The following CYTH4 variants were observed in gnomAD, a reference collection of about 807,000 sequenced individuals.
CYTH4 encodes cytohesin 4, also known as cytohesin-4.
A neutral mutation model predicts 57.5 loss-of-function variants in CYTH4; 22 were observed. The ratio of observed to expected loss-of-function variants is 0.38; its 90% CI spans 0.27 to 0.55. The LOEUF (loss-of-function observed/expected upper bound fraction) is 0.55. CYTH4 is among the 20% of genes least tolerant of loss of function. The probability of loss-of-function intolerance (pLI) is 0.74; values close to 1 mark genes in which losing one functional copy is unlikely to be tolerated. For synonymous variants in CYTH4, 186 were observed against 206.5 expected (o/e 0.90, Z 0.85); for missense variants, 420 against 535.6 (o/e 0.78, Z 2.13).
At chr22:37,293,667 A>G (rs1330140677) in intron 2 of CYTH4, among the ~76,000 whole-genome samples, 1 of 152,034 alleles carries the variant, frequency 6.6e-6, no homozygotes, top group East Asian at 1.9e-4. Flanking sequence ...CCTCACCAGC[A>G]CCCTGCAGAT....
At chr22:37,292,474 G>A (rs2145857387) in intron 1 of CYTH4, 147 bp from the exon 2 acceptor site, 1 of 711,808 alleles carries the variant, frequency 1.4e-6, no homozygotes, top group Non-Finnish European at 2.4e-6. Flanking sequence ...TTTAGACAGG[G>A]CAGTCAGGGG....
chr22:37,303,949 T>C (rs1270998910), intron 8 of CYTH4, among the ~76,000 whole-genome samples: 1 of 152,154 alleles, frequency 6.6e-6, no homozygotes, highest in Non-Finnish European at 1.5e-5. Flanking sequence ...GCCCCAGGGA[T>C]GAATCAACCA....
rs73417350 is a variant in CYTH4, at chr22:37,295,287, A to T, written c.167+563A>T. ...CTAAGGCCCCAGTGCACTGACTCTG[A>T]CACACGATGTCCTGGCAATTTCCCA... On this transcript the variant is annotated intron_variant, in intron 3 of 12. Coordinates refer to ENST00000248901, the MANE Select transcript of CYTH4 (RefSeq NM_013385.5). The surrounding 1 kb of genome is among the most constrained non-coding windows in gnomAD (Gnocchi z 4.1). Among the ~76,000 whole-genome samples, 7,466 of 151,484 alleles carry T rather than the reference A, an allele frequency of 0.049. 602 individuals are homozygous for T. The highest frequency in any genetic ancestry group is 0.17 in the African/African-American group (6,981 of 41,248).
At chr22:37,299,189 A>C in intron 5 of CYTH4, 37 bp from the exon 6 acceptor site, 1 of 1,542,048 alleles carries the variant, frequency 6.5e-7, no homozygotes, top group Non-Finnish European at 8.9e-7. Context: ...GCAAGTATCC[A>C]AGTGTGTCCC....
chr22:37,309,800 G>A (rs371499003), intron 9 of CYTH4, among the ~76,000 whole-genome samples: 8 of 152,360 alleles, frequency 5.3e-5, no homozygotes, highest in African/African-American at 1.9e-4. Context: ...CCCTAAAGGA[G>A]GGGAGGAAGG....
At chr22:37,297,747 G>T in intron 5 of CYTH4, 65 bp downstream of exon 5, 2 of 1,371,968 alleles carry the variant, frequency 1.5e-6, no homozygotes, top group South Asian at 1.2e-5. Flanking sequence ...CAGGTGTGTG[G>T]ATGTGCAGGT....
At chr22:37,304,279 T>C (rs1299862709) in intron 8 of CYTH4, 13 of 456,602 alleles carry the variant, frequency 2.8e-5, no homozygotes, top group Non-Finnish European at 4.8e-5. Context: ...GTGTCCAGTG[T>C]GGCCGAGGTG....
intron 1 of CYTH4, 63 bp from the exon 2 acceptor site, chr22:37,292,558 A>C (rs565995903): frequency 1.7e-4 from 257 of 1,540,470 alleles, no homozygotes; most frequent in Non-Finnish European, 2.2e-4. Flanking sequence ...GGCCCTGCAG[A>C]AGTGAGGGCA....
intron 1 of CYTH4, among the ~76,000 whole-genome samples, chr22:37,286,554 G>T (rs1393712620): frequency 6.6e-6 from 1 of 152,182 alleles, no homozygotes; most frequent in Non-Finnish European, 1.5e-5. Flanking sequence ...ATGGGAAGGG[G>T]TGGGGGCAGG....
Position 37,290,193 on chromosome 22 carries a change from G to A in CYTH4, c.20-2428G>A, listed in dbSNP as rs184318555. On this transcript the variant is annotated intron_variant, in intron 1 of 12. Coordinates refer to ENST00000248901, the MANE Select transcript of CYTH4 (RefSeq NM_013385.5). The stretch of plus-strand genomic sequence containing the variant: ...CCTGGAAGGACTTCATTTACCACCT[G>A]GTCTCTATGTACCCCCACTCAAATG... Among the ~76,000 whole-genome samples the A allele has an allele frequency of 2.6e-5, 4 of 152,198 alleles. No homozygotes were observed. The East Asian group carries it at 7.7e-4, about 29-fold the overall frequency.
intron 1 of CYTH4, among the ~76,000 whole-genome samples, chr22:37,285,039 C>T (rs1412094065): frequency 6.6e-6 from 1 of 152,222 alleles, no homozygotes; most frequent in Non-Finnish European, 1.5e-5. Context: ...ACCCCCTCTG[C>T]CCCAGGGTCC....
chr22:37,310,388 G>GA (rs765780572), intron 9 of CYTH4, among the ~76,000 whole-genome samples: 3 of 152,344 alleles, frequency 2.0e-5, no homozygotes, highest in Non-Finnish European at 2.9e-5. Context: ...GTAGCTGTAA[G>GA]ATGGGGAGAA....
chr22:37,311,879 G>T lies in CYTH4; in HGVS notation c.958-141G>T. On this transcript the variant is annotated intron_variant, in intron 11 of 12. Coordinates refer to ENST00000248901, the MANE Select transcript of CYTH4 (RefSeq NM_013385.5). The surrounding 1 kb of genome is among the most constrained non-coding windows in gnomAD (Gnocchi z 4.4). ...TGCCACAGAGAGAGTGCTCAGTGTG[G>T]GAGCAGCAGCTCCTGCCCCTTCGCC... The T allele has an allele frequency of 9.3e-7, 1 of 1,075,674 alleles. No homozygotes were observed. Among genetic ancestry groups the T allele is most frequent in the Non-Finnish European group, 1.3e-6 (1 of 755,138 alleles). The allele number at this position is 1,075,674 out of a possible 1,614,324, so 66.6% of individuals were successfully genotyped here.
intron 1 of CYTH4, among the ~76,000 whole-genome samples, chr22:37,284,558 C>T (rs541297335): frequency 2.9e-4 from 44 of 152,290 alleles, no homozygotes; most frequent in South Asian, 1.7e-3. Flanking sequence ...CGGTGACTTC[C>T]CCTCTCTGAG....
At position 37,311,691 on chromosome 22, in the gene CYTH4, AC is replaced by A. The variant is rs781359787; in HGVS notation, c.957+165del. ...CCTTCTCTCCCTCCTGGGGCCATGG[AC>A]AGTGAGAAAAGGTCAATGTGGGTCC... On this transcript the variant is annotated intron_variant, in intron 11 of 12. Coordinates refer to ENST00000248901, the MANE Select transcript of CYTH4 (RefSeq NM_013385.5). The surrounding 1 kb of genome is among the most constrained non-coding windows in gnomAD (Gnocchi z 4.4). The A allele has an allele frequency of 4.1e-6, 3 of 732,994 alleles. No individual in the cohort carries two copies. 45.4% of individuals were successfully genotyped at this position (732,994 alleles called of 1,614,324 possible).
chr22:37,294,388 G>A (rs867647746), intron 2 of CYTH4, among the ~76,000 whole-genome samples: 3 of 152,082 alleles, frequency 2.0e-5, no homozygotes, highest in Middle Eastern at 3.4e-3. Flanking sequence ...GCAAGGGATG[G>A]GGGCTTGGGG....
chr22:37,309,166 C>G (rs370823727), intron 8 of CYTH4, 46 bp from the exon 9 acceptor site: 4 of 1,582,216 alleles, frequency 2.5e-6, no homozygotes, highest in Admixed American at 1.7e-5. Flanking sequence ...GCCTTGGACT[C>G]GGGTGGACTC....
At chr22:37,285,097 G>A (rs940895298) in intron 1 of CYTH4, among the ~76,000 whole-genome samples, 1 of 152,238 alleles carries the variant, frequency 6.6e-6, no homozygotes, top group Non-Finnish European at 1.5e-5. Context: ...CCCTGAGATG[G>A]CATCCTCCTC....
Position 37,311,130 on chromosome 22 carries a change from C to G in CYTH4, c.885+66C>G. 4 of 1,539,320 alleles carry G rather than the reference C, an allele frequency of 2.6e-6. No individual in the cohort carries two copies. Among genetic ancestry groups the G allele is most frequent in the Non-Finnish European group, 3.6e-6 (4 of 1,113,570 alleles). ...TCCCCGCACAACCCACTTCCCAACT[C>G]CCACTGAGCAGTCGACTCACACAGC... On this transcript the variant is annotated intron_variant, in intron 10 of 12. Coordinates refer to ENST00000248901, the MANE Select transcript of CYTH4 (RefSeq NM_013385.5). The surrounding 1 kb of genome is among the most constrained non-coding windows in gnomAD (Gnocchi z 4.4).
Sources: gnomAD v4.1 joint callset for allele counts (sites outside exome capture counted in the v4.1 genomes callset) on GRCh38, gnomAD v4.1.1 for gene constraint, Gnocchi (gnomAD v3.1) non-coding constraint, MANE v1.5 for transcripts, NCBI Gene and HGNC (gene_info 2026-07-23, HGNC 2026-07-21) for gene names.